Variants in TSPAN18 observed in about 807,000 individuals in gnomAD.
TSPAN18 encodes tetraspanin 18.
A neutral mutation model predicts 27.3 loss-of-function variants in TSPAN18; 14 were observed. The observed-to-expected ratio is 0.51, with a 90% CI of 0.34 to 0.80. The LOEUF (loss-of-function observed/expected upper bound fraction) is 0.80. Ranked by LOEUF, TSPAN18 falls within the 30% of genes least tolerant of loss-of-function variation. The pLI is 0.01. For synonymous variants in TSPAN18, 143 were observed against 136.5 expected, an observed-to-expected ratio of 1.05 and a Z score of -0.33; for missense variants, 268 against 323.9, an observed-to-expected ratio of 0.83 and a Z score of 1.32.
At chr11:44,872,996 G>A (rs1011635469) in intron 3 of TSPAN18, among the ~76,000 whole-genome samples, 7 of 152,154 alleles carry the variant, frequency 4.6e-5, no homozygotes, top group African/African-American at 1.7e-4. Flanking sequence ...TAGGGCTGTG[G>A]CACCTAGCCA....
At chr11:44,858,246 C>T (rs1295765978) in intron 2 of TSPAN18, among the ~76,000 whole-genome samples, 15 of 152,210 alleles carry the variant, frequency 9.9e-5, no homozygotes, top group Admixed American at 2.0e-4. Flanking sequence ...GGTATCTCCA[C>T]GCCTATGCTC....
intron 1 of TSPAN18, among the ~76,000 whole-genome samples, chr11:44,741,087 C>T (rs1005107100): frequency 3.9e-5 from 6 of 152,184 alleles, no homozygotes; most frequent in Non-Finnish European, 8.8e-5. Flanking sequence ...GAACGGGGAA[C>T]ATGACCTCGG....
At chr11:44,764,947 G>A (rs1204721133) in intron 2 of TSPAN18, among the ~76,000 whole-genome samples, 1 of 152,120 alleles carries the variant, frequency 6.6e-6, no homozygotes, top group Non-Finnish European at 1.5e-5. Context: ...TAATCTTTTG[G>A]ACAAAGTCTA....
intron 2 of TSPAN18, among the ~76,000 whole-genome samples, chr11:44,771,644 G>A (rs1855692037): frequency 6.6e-6 from 1 of 152,114 alleles, no homozygotes; most frequent in Non-Finnish European, 1.5e-5. Context: ...CATGGATTCT[G>A]TATCTGTGGA....
intron 2 of TSPAN18, among the ~76,000 whole-genome samples, chr11:44,797,238 G>T (rs1343753517): frequency 5.3e-5 from 8 of 152,200 alleles, no homozygotes; most frequent in African/African-American, 1.9e-4. Flanking sequence ...TTACAGATGA[G>T]AACCGAGAGG....
chr11:44,727,594 A>G (rs1854547799), intron 1 of TSPAN18, among the ~76,000 whole-genome samples: 1 of 151,652 alleles, frequency 6.6e-6, no homozygotes, highest in Non-Finnish European at 1.5e-5. Context: ...GGGCTTCTGG[A>G]GAACGGCGCG....
chr11:44,921,322 A>G (rs1220994321), intron 8 of TSPAN18, among the ~76,000 whole-genome samples: 1 of 152,142 alleles, frequency 6.6e-6, no homozygotes, highest in Non-Finnish European at 1.5e-5. Context: ...GCCTTCGCCA[A>G]GACACCCTCG....
intron 8 of TSPAN18, among the ~76,000 whole-genome samples, chr11:44,924,503 C>T (rs1330938578): frequency 6.6e-6 from 1 of 152,078 alleles, no homozygotes; most frequent in Non-Finnish European, 1.5e-5. Context: ...GTTCCCTGTC[C>T]GGGAAACCCC....
chr11:44,785,843 C>A (rs535005836), intron 2 of TSPAN18, among the ~76,000 whole-genome samples: 1 of 152,150 alleles, frequency 6.6e-6, no homozygotes, highest in Admixed American at 6.5e-5. Flanking sequence ...TGCTGGGGTT[C>A]GAGGGGCAAG....
At chr11:44,737,874 A>T (rs187218676) in intron 1 of TSPAN18, among the ~76,000 whole-genome samples, 26 of 151,630 alleles carry the variant, frequency 1.7e-4, no homozygotes, top group African/African-American at 6.3e-4. Flanking sequence ...ACTCCTCCTC[A>T]TCCTTTGGAT....
chr11:44,794,704 C>T (rs1346141213), intron 2 of TSPAN18, among the ~76,000 whole-genome samples: 1 of 152,056 alleles, frequency 6.6e-6, no homozygotes, highest in Non-Finnish European at 1.5e-5. Context: ...GTCTCTGTTC[C>T]GAGACGTAAG....
Position 44,913,847 on chromosome 11 carries a change from G to A in TSPAN18, c.258+3948G>A, listed in dbSNP as rs572905813. Reference sequence around the variant, plus strand: ...AAATGGGATGCAAACCCTGGGAAAGGCCTTGATGAGGGGAAGCCCCAGGAA... The same window carrying A: ...AAATGGGATGCAAACCCTGGGAAAGACCTTGATGAGGGGAAGCCCCAGGAA... On this transcript the variant is annotated intron_variant, in intron 5 of 9. Coordinates refer to ENST00000520358, the MANE Select transcript of TSPAN18 (RefSeq NM_130783.5). 7.2e-5 allele frequency among the ~76,000 whole-genome samples: 11 copies of A among 152,374 alleles called. No individual in the cohort carries two copies. The East Asian group carries it at 1.2e-3, about 16-fold the overall frequency.
intron 4 of TSPAN18, among the ~76,000 whole-genome samples, chr11:44,907,006 C>T (rs1433575019): frequency 6.6e-6 from 1 of 152,232 alleles, no homozygotes; most frequent in Non-Finnish European, 1.5e-5. Flanking sequence ...ACCTCAGTAT[C>T]TTCATCTCTT....
chr11:44,750,552 A>G (rs952349300), intron 1 of TSPAN18, among the ~76,000 whole-genome samples: 6 of 152,124 alleles, frequency 3.9e-5, no homozygotes, highest in African/African-American at 1.4e-4. Context: ...GTCCTATTTG[A>G]ATGCAACATC....
At chr11:44,877,102 A>T (rs916554044) in intron 3 of TSPAN18, among the ~76,000 whole-genome samples, 1 of 152,354 alleles carries the variant, frequency 6.6e-6, no homozygotes, top group African/African-American at 2.4e-5. Flanking sequence ...AGGGCCATGC[A>T]CTGCCGCTTC....
At chr11:44,820,152 C>G (rs1489469362) in intron 2 of TSPAN18, among the ~76,000 whole-genome samples, 1 of 152,236 alleles carries the variant, frequency 6.6e-6, no homozygotes, top group Non-Finnish European at 1.5e-5. Context: ...GCTCTCTGTG[C>G]TTTGACTAGC....
chr11:44,785,529 C>T (rs1856035596), intron 2 of TSPAN18, among the ~76,000 whole-genome samples: 1 of 151,666 alleles, frequency 6.6e-6, no homozygotes, highest in Non-Finnish European at 1.5e-5. Flanking sequence ...TGCCCCCCAC[C>T]GCCCCCTGAA....
chr11:44,772,918 A>G (rs1482786600), intron 2 of TSPAN18, among the ~76,000 whole-genome samples: 1 of 151,916 alleles, frequency 6.6e-6, no homozygotes, highest in African/African-American at 2.4e-5. Context: ...CAGCCTCCCA[A>G]AGTGCTGGGA....
chr11:44,728,718 C>G (rs1157360867), intron 1 of TSPAN18, among the ~76,000 whole-genome samples: 1 of 152,150 alleles, frequency 6.6e-6, no homozygotes, highest in African/African-American at 2.4e-5. Context: ...GCCTCAGGGT[C>G]CCTGTATGTT....
Sources: gnomAD v4.1 joint callset for allele counts (sites outside exome capture counted in the v4.1 genomes callset) on GRCh38, gnomAD v4.1.1 for gene constraint, MANE v1.5 for transcripts, NCBI Gene and HGNC (gene_info 2026-07-23, HGNC 2026-07-21) for gene names.